Variants in SGCZ observed in about 807,000 individuals in gnomAD.
SGCZ encodes zeta-sarcoglycan.
Under a neutral mutation model 41.3 loss-of-function variants are expected in SGCZ, and 40 were observed. That is an observed-to-expected ratio of 0.97 (90% CI 0.75 to 1.26). The LOEUF (loss-of-function observed/expected upper bound fraction) is 1.26, where lower values mean the gene tolerates loss of function less well. Among genes scored for constraint, SGCZ ranks in the 50% most tolerant of loss-of-function variants. SGCZ has a pLI of 0.00. For missense variants in SGCZ, 552 were observed against 369.8 expected, an observed-to-expected ratio of 1.49 and a Z score of -4.04; for synonymous variants, 206 against 137.5, an observed-to-expected ratio of 1.50 and a Z score of -3.49.
At chr8:15,168,543 G>A (rs777692452) in intron 1 of SGCZ, among the ~76,000 whole-genome samples, 12 of 151,668 alleles carry the variant, frequency 7.9e-5, no homozygotes, top group Non-Finnish European at 1.3e-4. Context: ...GCTGGAACTC[G>A]GGGATGCAAG....
At chr8:14,176,199 C>A (rs111317371) in intron 4 of SGCZ, among the ~76,000 whole-genome samples, 2 of 152,134 alleles carry the variant, frequency 1.3e-5, no homozygotes, top group African/African-American at 4.8e-5. Context: ...ACACAGAACC[C>A]TTAGTCCAAC....
intron 1 of SGCZ, among the ~76,000 whole-genome samples, chr8:15,076,409 G>A (rs1805532607): frequency 6.6e-6 from 1 of 152,158 alleles, no homozygotes; most frequent in Admixed American, 6.5e-5. Context: ...TGTGATTGCA[G>A]AAAGAGTTTG....
chr8:14,663,105 T>C (rs1807807508), intron 1 of SGCZ, among the ~76,000 whole-genome samples: 1 of 152,146 alleles, frequency 6.6e-6, no homozygotes, highest in Non-Finnish European at 1.5e-5. Flanking sequence ...TATAAAACTA[T>C]AACATTGGTG....
At chr8:14,548,341 A>G (rs1454882048) in intron 2 of SGCZ, among the ~76,000 whole-genome samples, 1 of 152,188 alleles carries the variant, frequency 6.6e-6, no homozygotes, top group African/African-American at 2.4e-5. Context: ...CCAATTTTGT[A>G]TAAGAAAATA....
intron 1 of SGCZ, among the ~76,000 whole-genome samples, chr8:14,748,207 A>G (rs1168280480): frequency 6.6e-6 from 1 of 152,134 alleles, no homozygotes; most frequent in African/African-American, 2.4e-5. Context: ...TTTAGTGCCC[A>G]CAACAACGTT....
chr8:14,367,682 A>C (rs1367863994), intron 2 of SGCZ, among the ~76,000 whole-genome samples: 1 of 152,064 alleles, frequency 6.6e-6, no homozygotes, highest in East Asian at 1.9e-4. Context: ...TAAAGCCATC[A>C]GTTCTCATGA....
chr8:14,639,708 G>A (rs893935295), intron 1 of SGCZ, among the ~76,000 whole-genome samples: 1 of 151,716 alleles, frequency 6.6e-6, no homozygotes, highest in Admixed American at 6.6e-5. Context: ...AAACATAAAT[G>A]TCCAGAGCTT....
chr8:14,943,664 T>C (rs1001426724), intron 1 of SGCZ, among the ~76,000 whole-genome samples: 7 of 152,248 alleles, frequency 4.6e-5, no homozygotes, highest in African/African-American at 1.7e-4. Context: ...GGTGTACAAA[T>C]TATTTCATCA....
At chr8:14,506,176 AAAACAAACAAAC>A (rs74273419) in intron 2 of SGCZ, among the ~76,000 whole-genome samples, 2,428 of 151,956 alleles carry the variant, frequency 0.016, 59 homozygotes, top group African/African-American at 0.056. Flanking sequence ...TGTCTACTAA[AAAACAAACAAAC>A]AAACAAACAA....
At chr8:14,478,018 A>G (rs1801410151) in intron 2 of SGCZ, among the ~76,000 whole-genome samples, 2 of 152,198 alleles carry the variant, frequency 1.3e-5, no homozygotes, top group African/African-American at 4.8e-5. Flanking sequence ...ATGAAGAAGG[A>G]ACCTGATGAA....
intron 2 of SGCZ, among the ~76,000 whole-genome samples, chr8:14,328,098 C>T (rs929365606): frequency 1.3e-5 from 2 of 152,102 alleles, no homozygotes; most frequent in African/African-American, 4.8e-5. Flanking sequence ...TCAAGGTTTT[C>T]CATATTACCT....
chr8:14,679,532 T>C (rs1373692113), intron 1 of SGCZ, among the ~76,000 whole-genome samples: 1 of 151,496 alleles, frequency 6.6e-6, no homozygotes. Flanking sequence ...ATATATGTGC[T>C]TATAAAATCA....
At chr8:15,076,307 A>G (rs1585537603) in intron 1 of SGCZ, among the ~76,000 whole-genome samples, 1 of 152,170 alleles carries the variant, frequency 6.6e-6, no homozygotes, top group East Asian at 1.9e-4. Context: ...GTTAGAGGTG[A>G]TATGGGTAAA....
At chr8:14,109,809 G>A (rs929242928) in intron 5 of SGCZ, among the ~76,000 whole-genome samples, 1 of 151,946 alleles carries the variant, frequency 6.6e-6, no homozygotes, top group East Asian at 1.9e-4. Flanking sequence ...AAGACTATAT[G>A]ATTTCATCTA....
At chr8:14,592,805 T>G (rs922187131) in intron 1 of SGCZ, among the ~76,000 whole-genome samples, 7 of 152,126 alleles carry the variant, frequency 4.6e-5, no homozygotes, top group African/African-American at 1.4e-4. Context: ...CTGAAGGAAA[T>G]CAGAGTGGCT....
Position 14,443,761 on chromosome 8 carries a change from C to T in SGCZ, c.234+110971G>A, listed in dbSNP as rs546289283. 3.3e-5 allele frequency among the ~76,000 whole-genome samples: 5 copies of T among 152,122 alleles called. No individual in the cohort carries two copies. The South Asian group carries it at 1.0e-3, about 32-fold the overall frequency. On this transcript the variant is annotated intron_variant, in intron 2 of 7. Coordinates refer to ENST00000382080, the MANE Select transcript of SGCZ (RefSeq NM_139167.4). Reference sequence around the variant, plus strand: ...AGGACATAGGCATAGGCAAGGACTTCATGTCTAAAACACCAAAAGCCATGG... The same window carrying T: ...AGGACATAGGCATAGGCAAGGACTTTATGTCTAAAACACCAAAAGCCATGG...
At chr8:14,372,747 T>C (rs561256593) in intron 2 of SGCZ, among the ~76,000 whole-genome samples, 10 of 152,202 alleles carry the variant, frequency 6.6e-5, no homozygotes, top group Admixed American at 2.0e-4. Context: ...GCAGCCTGCT[T>C]GGAGTATCCG....
At chr8:14,900,787 C>T (rs962473725) in intron 1 of SGCZ, among the ~76,000 whole-genome samples, 1 of 152,178 alleles carries the variant, frequency 6.6e-6, no homozygotes, top group Non-Finnish European at 1.5e-5. Flanking sequence ...CTATTATCTA[C>T]AATTCCAAAG....
At chr8:14,728,392 TA>T (rs1323146448) in intron 1 of SGCZ, among the ~76,000 whole-genome samples, 1 of 136,162 alleles carries the variant, frequency 7.3e-6, no homozygotes, top group African/African-American at 2.7e-5. Context: ...AAAAAAAACA[TA>T]ATAAAGACAA....
Sources: allele counts gnomAD v4.1 joint callset (sites outside exome capture counted in the v4.1 genomes callset), GRCh38; gene constraint gnomAD v4.1.1; transcripts MANE v1.5; gene names NCBI Gene and HGNC (gene_info 2026-07-23, HGNC 2026-07-21).